PAK4: variants seen among roughly 807,000 people sequenced by gnomAD.
PAK4 encodes the protein serine/threonine-protein kinase PAK 4.
Under a neutral mutation model 53.5 loss-of-function variants are expected in PAK4, and 49 were observed. That is an observed-to-expected ratio of 0.92 (90% CI 0.73 to 1.16). The LOEUF is 1.16. Among genes scored for constraint, PAK4 ranks in the 50% most tolerant of loss-of-function variants. The probability of loss-of-function intolerance (pLI) is 0.00; values close to 1 mark genes in which losing one functional copy is unlikely to be tolerated. For synonymous variants in PAK4, 376 were observed against 375.6 expected (o/e 1.00, Z -0.01); for missense variants, 824 against 850.7 (o/e 0.97, Z 0.39).
intron 6 of PAK4, among the ~76,000 whole-genome samples, chr19:39,176,184 C>T (rs1368027995): frequency 6.6e-6 from 1 of 152,220 alleles, no homozygotes; most frequent in Non-Finnish European, 1.5e-5. Context: ...GGCTGTGTCC[C>T]CTCACGGCCC....
intron 1 of PAK4, among the ~76,000 whole-genome samples, chr19:39,150,547 A>G (rs1167400971): frequency 6.6e-6 from 1 of 151,958 alleles, no homozygotes; most frequent in Non-Finnish European, 1.5e-5. Flanking sequence ...ACGCCCACTC[A>G]GGCCCCTTGA....
intron 2 of PAK4, 35 bp from the exon 4 acceptor site, chr19:39,172,883 G>A (rs1446053115): frequency 6.7e-7 from 1 of 1,492,196 alleles, no homozygotes; most frequent in South Asian, 1.3e-5. Flanking sequence ...CCCACTCCTT[G>A]CTGGGCCCCC....
intron 7 of PAK4, 41 bp from the exon 9 acceptor site, chr19:39,177,634 C>A (rs1198014140): frequency 1.3e-6 from 2 of 1,588,380 alleles, no homozygotes; most frequent in African/African-American, 1.3e-5. Flanking sequence ...GACCCACCAT[C>A]CCCCAACAGC....
Position 39,130,883 on chromosome 19 carries a change from C to T in PAK4, c.-23+4964C>T, listed in dbSNP as rs1230930905. Among the ~76,000 whole-genome samples, 4 of 147,634 alleles carry T rather than the reference C, an allele frequency of 2.7e-5. No individual in the cohort carries two copies. In the East Asian group the frequency reaches 6.1e-4, roughly 23 times the overall value. ...TCAGGCTGCTGTGTGGGGGACGGAT[C>T]GCGGGGGGTGGCGACAGGGAGGCTG... is the stretch of plus-strand genomic sequence containing the variant. On this transcript the variant is annotated intron_variant, in intron 1 of 8. Transcript: ENST00000358301.
At chr19:39,143,127 T>G (rs1352996165) in intron 1 of PAK4, among the ~76,000 whole-genome samples, 1 of 152,018 alleles carries the variant, frequency 6.6e-6, no homozygotes, top group Non-Finnish European at 1.5e-5. Context: ...TCTCTGTCCC[T>G]TCTCCCACTT....
At chr19:39,153,268 A>C (rs1373453187) in intron 1 of PAK4, among the ~76,000 whole-genome samples, 2 of 104,412 alleles carry the variant, frequency 1.9e-5, no homozygotes, top group African/African-American at 6.0e-5. Context: ...TTTAATTTTA[A>C]TTTTTTTTGA....
Position 39,173,523 on chromosome 19 carries a change from G to A in PAK4, c.664-53G>A, listed in dbSNP as rs1169845374. 6.9e-7 allele frequency: 1 copy of A among 1,439,154 alleles called. No individual in the cohort carries two copies. The highest frequency in any genetic ancestry group is 2.3e-5 in the Admixed American group (1 of 43,594). 89.1% of individuals were successfully genotyped at this position (1,439,154 alleles called of 1,614,324 possible). On this transcript the variant is annotated intron_variant, in intron 3 of 8. Coordinates refer to ENST00000358301, the Ensembl canonical transcript of PAK4. The surrounding 1 kb of genome is among the most constrained non-coding windows in gnomAD (Gnocchi z 6.9). ...GCTGGGTCTCTCTCCTGCTTAGGGA[G>A]CAGAGCTGCTCCCTGGCACCCATCA...
chr19:39,174,014 C>A lies in PAK4; in HGVS notation c.1098+4C>A. The A allele has an allele frequency of 6.4e-7, 1 of 1,563,926 alleles. No individual in the cohort carries two copies. The highest frequency in any genetic ancestry group is 1.2e-5 in the South Asian group (1 of 86,412). The stretch of plus-strand genomic sequence containing the variant: ...GCGCGAGCTGCTCTTCAACGAGGTG[C>A]GGGCGCTGCTGCCCTGCCGCCCTGC... On this transcript the variant is annotated splice_donor_region_variant and intron_variant, in intron 4 of 8. Transcript: ENST00000358301.
chr19:39,135,644 A>G lies in PAK4; in HGVS notation c.-23+9725A>G, dbSNP rs144210974. Reference sequence around the variant, plus strand: ...GCCACTGCGCCCTGCCCAAGCGTGTATTCTTTGACCAGCTTTGCGCTGGGG... The same window carrying G: ...GCCACTGCGCCCTGCCCAAGCGTGTGTTCTTTGACCAGCTTTGCGCTGGGG... On this transcript the variant is annotated intron_variant, in intron 1 of 8. Coordinates refer to ENST00000358301, the Ensembl canonical transcript of PAK4. Among the ~76,000 whole-genome samples, 96 of 151,914 alleles carry G rather than the reference A, an allele frequency of 6.3e-4. 1 individual carries two copies. Among genetic ancestry groups the G allele is most frequent in the Non-Finnish European group, 9.6e-4 (65 of 67,958 alleles).
At chr19:39,134,601 A>T (rs534735824) in intron 1 of PAK4, among the ~76,000 whole-genome samples, 1 of 151,384 alleles carries the variant, frequency 6.6e-6, no homozygotes, top group Non-Finnish European at 1.5e-5. Flanking sequence ...GCTGTATAAT[A>T]TTCTTTTTTT....
At position 39,161,509 on chromosome 19, in the gene PAK4, G is replaced by GC. The variant is rs1339260854; in HGVS notation, c.-22-8018dup. ...CCCTCTGCAGCCCCCACAAGGTCCTGCCCCCTTGATTTCCACTGGGCCATC... is the reference window on the plus strand; with the variant it reads ...CCCTCTGCAGCCCCCACAAGGTCCTGCCCCCCTTGATTTCCACTGGGCCATC... On this transcript the variant is annotated intron_variant, in intron 1 of 8. Coordinates refer to ENST00000358301, the Ensembl canonical transcript of PAK4. The surrounding 1 kb of genome is among the most constrained non-coding windows in gnomAD (Gnocchi z 4.5). Among the ~76,000 whole-genome samples the GC allele has an allele frequency of 2.7e-5, 4 of 150,642 alleles. No homozygotes were observed. In the Middle Eastern group the frequency reaches 0.014, roughly 516 times the overall value.
chr19:39,165,057 G>T (rs1374493914), intron 1 of PAK4, among the ~76,000 whole-genome samples: 4 of 151,830 alleles, frequency 2.6e-5, no homozygotes, highest in Non-Finnish European at 5.9e-5. Context: ...TCCAGGACAG[G>T]TCACACAGGA....
In PAK4 at chr19:39,173,015, G is replaced by A. The variant is rs567579611; in HGVS notation, c.302G>A (p.Arg101Gln). ...TCGGTGACACGCTCCAACTCCCTGC[G>A]GAGAGACAGCCCGCCGCCGCCCGCC... Residue 101 changes from arginine to glutamine, a missense_variant, in exon 3 of 9, where the codon CGG becomes CAG. This residue lies in a region of PAK4 where 478 missense variants were observed against 435.8 expected (regional missense o/e 1.10). Coordinates refer to ENST00000358301, the Ensembl canonical transcript of PAK4. The surrounding 1 kb of genome is among the most constrained non-coding windows in gnomAD (Gnocchi z 6.9). The A allele has an allele frequency of 3.5e-5, 55 of 1,549,660 alleles. No homozygotes were observed. Among genetic ancestry groups the A allele is most frequent in the Admixed American group, 1.6e-4 (8 of 51,022 alleles).
At chr19:39,140,757 C>G (rs964053014) in intron 1 of PAK4, among the ~76,000 whole-genome samples, 25 of 152,198 alleles carry the variant, frequency 1.6e-4, no homozygotes, top group Non-Finnish European at 5.9e-5. Context: ...CCTGCAGCCT[C>G]TCCCTGCTCC....
chr19:39,155,693 C>T (rs1190091577), intron 1 of PAK4, among the ~76,000 whole-genome samples: 2 of 152,154 alleles, frequency 1.3e-5, no homozygotes, highest in African/African-American at 4.8e-5. Context: ...ACATCAGCCT[C>T]ATGCTTGGAG....
chr19:39,163,149 C>T (rs1254834497), intron 1 of PAK4, among the ~76,000 whole-genome samples: 1 of 152,120 alleles, frequency 6.6e-6, no homozygotes, highest in Non-Finnish European at 1.5e-5. Flanking sequence ...AGGGAGGGGC[C>T]CTCCCAGAGC....
chr19:39,175,295 C>G lies in PAK4; in HGVS notation c.1233-17C>G. The G allele has an allele frequency of 6.4e-7, 1 of 1,562,816 alleles. No individual in the cohort carries two copies. Among genetic ancestry groups the G allele is most frequent in the South Asian group, 1.2e-5 (1 of 85,892 alleles). On this transcript the variant is annotated splice_polypyrimidine_tract_variant and intron_variant, in intron 5 of 8. Transcript: ENST00000358301. The surrounding 1 kb of genome is among the most constrained non-coding windows in gnomAD (Gnocchi z 4.7). ...GTGCTGTCCAGCTGGCTGCTCACCC[C>G]CCACCCCACCCCGCAGGATGAACGA...
chr19:39,132,555 A>C (rs1018605022), intron 1 of PAK4, among the ~76,000 whole-genome samples: 10 of 152,358 alleles, frequency 6.6e-5, no homozygotes, highest in Non-Finnish European at 1.0e-4. Context: ...GCCCCCACGG[A>C]CAGCACAGCC....
At chr19:39,167,884 C>CA (rs2074405012) in intron 1 of PAK4, 1 of 152,458 alleles carries the variant, frequency 6.6e-6, no homozygotes, top group Admixed American at 6.5e-5. Context: ...CTTGCTGTGC[C>CA]ACGCGCTGTG....
Sources: allele counts gnomAD v4.1 joint callset (sites outside exome capture counted in the v4.1 genomes callset), GRCh38; gene constraint gnomAD v4.1.1; regional missense constraint gnomAD v4.1.1; non-coding constraint Gnocchi (gnomAD v3.1); transcripts MANE v1.5; gene names NCBI Gene and HGNC (gene_info 2026-07-23, HGNC 2026-07-21).